Variants in RPS6KA3 observed in about 807,000 individuals in gnomAD.
RPS6KA3 encodes the protein ribosomal protein S6 kinase A3.
RPS6KA3 carries 4 observed loss-of-function variants against 67.2 expected under a neutral mutation model. The observed-to-expected ratio is 0.06, with a 90% CI of 0.03 to 0.14. The LOEUF (loss-of-function observed/expected upper bound fraction) is 0.14, where lower values mean the gene tolerates loss of function less well. RPS6KA3 is among the 10% of genes least tolerant of loss of function. The pLI, the probability that RPS6KA3 is intolerant of heterozygous loss-of-function variation, is 1.00. For missense variants in RPS6KA3, 204 were observed against 559.0 expected, an observed-to-expected ratio of 0.36 and a Z score of 6.40; for synonymous variants, 182 against 183.7, an observed-to-expected ratio of 0.99 and a Z score of 0.07.
rs940899354 is a variant in RPS6KA3 at position 20,155,258 on chromosome X, G to A, written c.*140C>T. The A allele has an allele frequency of 2.9e-5, 19 of 664,252 alleles. 1 individual carries two copies. The African/African-American group carries it at 4.1e-4, about 14-fold the overall frequency. 54.7% of individuals were successfully genotyped at this position (664,252 alleles called of 1,213,427 possible). A position where few individuals can be genotyped will look rare whatever the true frequency, so the allele number is the denominator to read the frequency against. On this transcript the variant is annotated 3_prime_UTR_variant, in exon 22 of 22. Transcript: ENST00000379565. Reference sequence around the variant, plus strand: ...AAAGCGAGAAGAGAGGAAAGCAGGAGCAGCAGCAGGAACAGCAGCATTATG... The same window carrying A: ...AAAGCGAGAAGAGAGGAAAGCAGGAACAGCAGCAGGAACAGCAGCATTATG...
At chrX:20,228,414 A>T (rs1287968254) in intron 2 of RPS6KA3, among the ~76,000 whole-genome samples, 2 of 111,107 alleles carry the variant, frequency 1.8e-5, no homozygotes, top group African/African-American at 6.6e-5. Flanking sequence ...TTCCTGGAGG[A>T]TATGGTCCCT....
chrX:20,183,051 T>C (rs1008044719), intron 10 of RPS6KA3, among the ~76,000 whole-genome samples: 4 of 111,197 alleles, frequency 3.6e-5, no homozygotes, highest in Non-Finnish European at 7.5e-5. Context: ...TCATAAGTTT[T>C]TTGGCCATTG....
chrX:20,217,736 A>G (rs766716015), intron 2 of RPS6KA3, among the ~76,000 whole-genome samples: 3 of 111,837 alleles, frequency 2.7e-5, no homozygotes, highest in Non-Finnish European at 5.6e-5. Flanking sequence ...ATCACCCTTT[A>G]TATAGATACC....
chrX:20,188,190 C>T (rs1050823858), intron 8 of RPS6KA3, among the ~76,000 whole-genome samples: 5 of 111,414 alleles, frequency 4.5e-5, no homozygotes. Flanking sequence ...TCTCCTGCCT[C>T]AGCCTCCCAA....
chrX:20,221,426 T>C (rs1272694705), intron 2 of RPS6KA3, among the ~76,000 whole-genome samples: 3 of 111,942 alleles, frequency 2.7e-5, no homozygotes. Flanking sequence ...AAAACTTAGA[T>C]AATAAACAAA....
At chrX:20,257,600 A>G (rs1452569230) in intron 1 of RPS6KA3, among the ~76,000 whole-genome samples, 1 of 112,420 alleles carries the variant, frequency 8.9e-6, no homozygotes. Flanking sequence ...TATGCTAAAA[A>G]AATTTAAATG....
chrX:20,226,220 C>T (rs1274943577), intron 2 of RPS6KA3, among the ~76,000 whole-genome samples: 2 of 111,199 alleles, frequency 1.8e-5, no homozygotes, highest in Non-Finnish European at 3.8e-5. Flanking sequence ...ATCTAAGATA[C>T]GGGAGACAGG....
chrX:20,179,276 A>G (rs1357564548), intron 10 of RPS6KA3, among the ~76,000 whole-genome samples: 1 of 111,816 alleles, frequency 8.9e-6, no homozygotes. Context: ...TGCATGTAAT[A>G]TGTTTTGGGA....
chrX:20,247,754 T>C (rs1408600347), intron 1 of RPS6KA3, among the ~76,000 whole-genome samples: 1 of 99,028 alleles, frequency 1.0e-5, no homozygotes, highest in Non-Finnish European at 2.0e-5. Flanking sequence ...GCCACTGCAC[T>C]CCAGCCTGGG....
chrX:20,160,811 G>A (rs1447662560), intron 20 of RPS6KA3, among the ~76,000 whole-genome samples: 1 of 112,032 alleles, frequency 8.9e-6, no homozygotes, highest in Non-Finnish European at 1.9e-5. Flanking sequence ...TCAGGCCCTA[G>A]GCCAACAGAA....
intron 1 of RPS6KA3, among the ~76,000 whole-genome samples, chrX:20,245,952 T>C (rs910770973): frequency 1.8e-5 from 2 of 109,466 alleles, no homozygotes; most frequent in Non-Finnish European, 3.8e-5. Context: ...ACCCCGTCTC[T>C]ACTAAAAACA....
intron 10 of RPS6KA3, among the ~76,000 whole-genome samples, chrX:20,183,057 C>T (rs2148675707): frequency 9.0e-6 from 1 of 110,722 alleles, no homozygotes; most frequent in Non-Finnish European, 1.9e-5. Context: ...GTTTTTTGGC[C>T]ATTGAATATC....
At chrX:20,203,358 G>T (rs1430288645) in intron 4 of RPS6KA3, 16 of 108,931 alleles carry the variant, frequency 1.5e-4, no homozygotes, top group African/African-American at 5.4e-4. Flanking sequence ...CGCCTCCCGG[G>T]TTCAAGCGAT....
intron 4 of RPS6KA3, among the ~76,000 whole-genome samples, chrX:20,202,140 C>T (rs1204549530): frequency 1.8e-5 from 2 of 108,577 alleles, no homozygotes; most frequent in African/African-American, 3.4e-5. Context: ...ACACCATGCC[C>T]GGCTAATTTT....
At chrX:20,232,341 G>A (rs1431809439) in intron 2 of RPS6KA3, among the ~76,000 whole-genome samples, 2 of 111,444 alleles carry the variant, frequency 1.8e-5, no homozygotes, top group Middle Eastern at 4.6e-3. Context: ...TTGGGAGGCC[G>A]AGGCGAGCAG....
chrX:20,239,121 T>C (rs903786901), intron 1 of RPS6KA3, among the ~76,000 whole-genome samples: 1 of 111,630 alleles, frequency 9.0e-6, no homozygotes, highest in Non-Finnish European at 1.9e-5. Flanking sequence ...CTGGTGTAGT[T>C]ACCTGAACTT....
intron 2 of RPS6KA3, among the ~76,000 whole-genome samples, chrX:20,234,397 C>A (rs1266725637): frequency 1.8e-5 from 2 of 111,760 alleles, no homozygotes; most frequent in African/African-American, 6.5e-5. Flanking sequence ...ATCCTGTGAA[C>A]CCAGGAGGCT....
intron 1 of RPS6KA3, among the ~76,000 whole-genome samples, chrX:20,254,148 A>C (rs757166514): frequency 8.9e-6 from 1 of 111,998 alleles, no homozygotes; most frequent in Non-Finnish European, 1.9e-5. Flanking sequence ...TCTTCAAATA[A>C]CATACCTGTA....
chrX:20,195,066 A>G lies in RPS6KA3; in HGVS notation c.405T>C (p.Tyr135=). 8.5e-7 allele frequency: 1 copy of G among 1,176,418 alleles called. No homozygotes were observed. Among genetic ancestry groups the G allele is most frequent in the Non-Finnish European group, 1.2e-6 (1 of 863,553 alleles). Residue 135 remains tyrosine (Y), a splice_region_variant and synonymous_variant, in exon 5 of 22, where the codon TAT becomes TAC. Coordinates refer to ENST00000379565, the MANE Select transcript of RPS6KA3 (RefSeq NM_004586.3). ...ATGTGGGAGACGGCTCATACTTACC[A>G]TAATGCAACTTGACAATAAAAGGAT... The part of the protein sequence containing the change: ...VNHPFIVKLH[Y]AFQTEGKLYL...
Sources: allele counts gnomAD v4.1 joint callset (sites outside exome capture counted in the v4.1 genomes callset), GRCh38; gene constraint gnomAD v4.1.1; transcripts MANE v1.5; gene names NCBI Gene and HGNC (gene_info 2026-07-23, HGNC 2026-07-21).